The following FLI1 variants were observed in gnomAD, a reference collection of about 807,000 sequenced individuals.
FLI1 encodes Friend leukemia integration 1 transcription factor.
A neutral mutation model predicts 53.1 loss-of-function variants in FLI1; 13 were observed. The ratio of observed to expected loss-of-function variants is 0.24; its 90% confidence interval spans 0.16 to 0.39. The LOEUF is 0.39. Among genes scored for constraint, FLI1 ranks in the 10% least tolerant of loss-of-function variants. The pLI, the probability that FLI1 is intolerant of heterozygous loss-of-function variation, is 1.00. For missense variants in FLI1, 424 were observed against 600.5 expected (o/e 0.71, Z 3.07); for synonymous variants, 244 against 236.7 (o/e 1.03, Z -0.28).
At chr11:128,754,405 G>A (rs539397304) in intron 1 of FLI1, among the ~76,000 whole-genome samples, 8 of 152,258 alleles carry the variant, frequency 5.3e-5, no homozygotes, top group African/African-American at 1.9e-4. Flanking sequence ...TTACACAATG[G>A]CAAAGATAAT....
rs1385696805 is a variant in FLI1, at chr11:128,810,309, A to G, written c.830-150A>G. 3 of 744,010 alleles carry G rather than the reference A, an allele frequency of 4.0e-6. No homozygotes were observed. Among genetic ancestry groups the G allele is most frequent in the African/African-American group, 3.6e-5 (2 of 56,326 alleles). The allele number at this position is 744,010 out of a possible 1,614,324, so 46.1% of individuals were successfully genotyped here. A position where few individuals can be genotyped will look rare whatever the true frequency, so the allele number is the denominator to read the frequency against. On this transcript the variant is annotated intron_variant, in intron 8 of 8. Coordinates refer to ENST00000527786, the MANE Select transcript of FLI1 (RefSeq NM_002017.5). This position sits in a 1 kb window ranked among gnomAD's most constrained non-coding sequence, Gnocchi z 6.6. The stretch of plus-strand genomic sequence containing the variant: ...AGCAGAAAGGCAAATCAACAATGAC[A>G]TAAGAAGGGCTTGTCAAGTCGATCC...
intron 5 of FLI1, among the ~76,000 whole-genome samples, chr11:128,789,699 T>A (rs1942207887): frequency 2.0e-5 from 3 of 152,168 alleles, no homozygotes; most frequent in African/African-American, 7.2e-5. Context: ...TGTGTGTGTG[T>A]CTGTGCAGGA....
chr11:128,748,671 G>A (rs1435587367), intron 1 of FLI1, among the ~76,000 whole-genome samples: 1 of 152,066 alleles, frequency 6.6e-6, no homozygotes, highest in Admixed American at 6.5e-5. Flanking sequence ...AAGTCAGCCG[G>A]ACACTCTGAA....
chr11:128,744,170 C>T (rs937926188), intron 1 of FLI1, among the ~76,000 whole-genome samples: 1 of 152,166 alleles, frequency 6.6e-6, no homozygotes, highest in South Asian at 2.1e-4. Context: ...TGAGCTTACT[C>T]GTAGACAGAG....
intron 1 of FLI1, among the ~76,000 whole-genome samples, chr11:128,727,631 G>A (rs1357742869): frequency 6.6e-6 from 1 of 152,252 alleles, no homozygotes; most frequent in Non-Finnish European, 1.5e-5. Context: ...GATTGAGAAG[G>A]AGGTGCATTC....
At chr11:128,713,163 C>A (rs975308933) in intron 1 of FLI1, among the ~76,000 whole-genome samples, 8 of 152,216 alleles carry the variant, frequency 5.3e-5, no homozygotes, top group African/African-American at 1.9e-4. Flanking sequence ...AGAGGTCCAA[C>A]TCTATGTAAT....
chr11:128,720,082 T>C (rs1382864922), intron 1 of FLI1, among the ~76,000 whole-genome samples: 1 of 152,228 alleles, frequency 6.6e-6, no homozygotes, highest in Non-Finnish European at 1.5e-5. Context: ...AAGCAGCCGA[T>C]TCATATTTTG....
Position 128,694,223 on chromosome 11 carries a change from T to C in FLI1, c.-36T>C. The C allele has an allele frequency of 6.6e-7, 1 of 1,516,154 alleles. No individual in the cohort carries two copies. The highest frequency in any genetic ancestry group is 8.8e-7 in the Non-Finnish European group (1 of 1,132,482). 93.9% of individuals were successfully genotyped at this position (1,516,154 alleles called of 1,614,324 possible). A position where few individuals can be genotyped will look rare whatever the true frequency, so the allele number is the denominator to read the frequency against. ...GTCAGGCTGTAACCGGGTCAATGTG[T>C]GGAATATTGGGGGGCTCGGCTGCAG... On this transcript the variant is annotated 5_prime_UTR_variant, in exon 1 of 9. Transcript: ENST00000527786.
intron 1 of FLI1, among the ~76,000 whole-genome samples, chr11:128,710,871 A>G (rs1193233760): frequency 1.3e-5 from 2 of 152,238 alleles, no homozygotes; most frequent in Non-Finnish European, 2.9e-5. Context: ...TGTGTAGGAA[A>G]CTCTGTAACA....
chr11:128,798,196 G>A (rs112519191), intron 5 of FLI1, among the ~76,000 whole-genome samples: 3,058 of 152,222 alleles, frequency 0.02, 45 homozygotes, highest in Non-Finnish European at 0.032. Context: ...ATTTAGTTGC[G>A]TCTACATGAC....
chr11:128,727,462 G>A (rs1939530133), intron 1 of FLI1, among the ~76,000 whole-genome samples: 1 of 152,136 alleles, frequency 6.6e-6, no homozygotes, highest in Non-Finnish European at 1.5e-5. Context: ...AGCAAGTCAG[G>A]CCCTGTTTCA....
intron 1 of FLI1, among the ~76,000 whole-genome samples, chr11:128,724,755 G>A (rs940130769): frequency 6.6e-6 from 1 of 152,146 alleles, no homozygotes; most frequent in Admixed American, 6.5e-5. Flanking sequence ...AGGCACAAGG[G>A]TTTATGGAGG....
chr11:128,805,556 A>C, intron 6 of FLI1, 125 bp downstream of exon 6: 1 of 632,952 alleles, frequency 1.6e-6, no homozygotes, highest in Non-Finnish European at 2.8e-6. Flanking sequence ...TAGACATCAA[A>C]ATTATTTGCC....
intron 1 of FLI1, among the ~76,000 whole-genome samples, chr11:128,741,164 C>A (rs893265074): frequency 6.6e-6 from 1 of 152,136 alleles, no homozygotes; most frequent in Non-Finnish European, 1.5e-5. Context: ...GAGGCTGAGG[C>A]GGGCGGATCA....
intron 5 of FLI1, among the ~76,000 whole-genome samples, chr11:128,800,548 CA>C: frequency 6.6e-6 from 1 of 152,176 alleles, no homozygotes; most frequent in East Asian, 1.9e-4. Flanking sequence ...AAAAGCTTCA[CA>C]CAGAAGCTAA....
Position 128,697,119 on chromosome 11 carries a change from C to T in FLI1, c.18+2843C>T, listed in dbSNP as rs151219674. 2.2e-4 allele frequency among the ~76,000 whole-genome samples: 33 copies of T among 152,324 alleles called. No homozygotes were observed. The Middle Eastern group carries it at 0.02, about 94-fold the overall frequency. On this transcript the variant is annotated intron_variant, in intron 1 of 8. Coordinates refer to ENST00000527786, the MANE Select transcript of FLI1 (RefSeq NM_002017.5). The stretch of plus-strand genomic sequence containing the variant: ...GCAGTATTAAACAACACCCGACCCA[C>T]GCCCCTGCTTCCCACACTGATATTA...
chr11:128,695,422 C>T (rs1046698632), intron 1 of FLI1, among the ~76,000 whole-genome samples: 6 of 152,086 alleles, frequency 3.9e-5, no homozygotes, highest in Non-Finnish European at 8.8e-5. Context: ...ATTAGGCTGG[C>T]GAGGTGGGGA....
chr11:128,758,463 G>A, intron 2 of FLI1, 137 bp downstream of exon 2: 1 of 707,556 alleles, frequency 1.4e-6, no homozygotes, highest in Non-Finnish European at 2.4e-6. Context: ...TCAGTCCCTA[G>A]AGAGCTAAGG....
At chr11:128,775,526 G>T (rs1053235166) in intron 4 of FLI1, among the ~76,000 whole-genome samples, 1 of 152,192 alleles carries the variant, frequency 6.6e-6, no homozygotes. Flanking sequence ...TGAGGTGGTG[G>T]CTGGCTGCTA....
Sources: allele counts gnomAD v4.1 joint callset (sites outside exome capture counted in the v4.1 genomes callset), GRCh38; gene constraint gnomAD v4.1.1; non-coding constraint Gnocchi (gnomAD v3.1); transcripts MANE v1.5; gene names NCBI Gene and HGNC (gene_info 2026-07-23, HGNC 2026-07-21).